Variants in ZNF618 observed in about 807,000 individuals in gnomAD.
ZNF618 encodes neural precursor cell expressed, developmentally down-regulated 10.
In ZNF618, 34 loss-of-function variants were observed where a neutral mutation model predicts 103.0. The ratio of observed to expected loss-of-function variants is 0.33; its 90% CI spans 0.25 to 0.44. ZNF618 has a LOEUF of 0.44. Among genes scored for constraint, ZNF618 ranks in the 20% least tolerant of loss-of-function variants. ZNF618 has a pLI of 1.00. For synonymous variants in ZNF618, 551 were observed against 542.2 expected (o/e 1.02, Z -0.23); for missense variants, 1,059 against 1,295.4 (o/e 0.82, Z 2.80).
chr9:114,042,759 G>T (rs528897786), intron 13 of ZNF618, among the ~76,000 whole-genome samples: 1 of 152,316 alleles, frequency 6.6e-6, no homozygotes, highest in South Asian at 2.1e-4. Context: ...AGCCTGGGAG[G>T]TTGAGGCTGC....
chr9:113,948,326 G>T (rs1835245588), intron 1 of ZNF618, among the ~76,000 whole-genome samples: 1 of 152,212 alleles, frequency 6.6e-6, no homozygotes, highest in Non-Finnish European at 1.5e-5. Context: ...GCACTCGCTA[G>T]TCAGAAGGCG....
At chr9:113,942,785 T>C (rs1834664967) in intron 1 of ZNF618, among the ~76,000 whole-genome samples, 1 of 152,216 alleles carries the variant, frequency 6.6e-6, no homozygotes, top group Non-Finnish European at 1.5e-5. Context: ...AGAACCATTG[T>C]GAAATTCCAT....
At chr9:114,045,499 T>G (rs1254602968) in intron 13 of ZNF618, among the ~76,000 whole-genome samples, 7 of 152,080 alleles carry the variant, frequency 4.6e-5, no homozygotes, top group Non-Finnish European at 2.9e-5. Context: ...TGAATTGTCC[T>G]GATAACCTTG....
chr9:113,901,263 C>G (rs1301241379), intron 1 of ZNF618, among the ~76,000 whole-genome samples: 1 of 152,220 alleles, frequency 6.6e-6, no homozygotes, highest in Non-Finnish European at 1.5e-5. Context: ...TCTCCTTTTC[C>G]TCAAGTTCTC....
chr9:113,918,132 T>G (rs1250334226), intron 1 of ZNF618, among the ~76,000 whole-genome samples: 1 of 152,194 alleles, frequency 6.6e-6, no homozygotes, highest in African/African-American at 2.4e-5. Context: ...GGTTGTTTTA[T>G]AGAATGCTCC....
chr9:114,016,291 C>T (rs1254346180), intron 9 of ZNF618: 3 of 824,060 alleles, frequency 3.6e-6, no homozygotes, highest in Non-Finnish European at 6.0e-6. Context: ...GTGGCCACTG[C>T]AGAGGGCAGG....
At chr9:114,027,507 T>C (rs550217174) in intron 10 of ZNF618, among the ~76,000 whole-genome samples, 1 of 152,338 alleles carries the variant, frequency 6.6e-6, no homozygotes, top group East Asian at 1.9e-4. Flanking sequence ...GTGTGGTAAA[T>C]GAAGGACCAT....
At chr9:113,900,059 T>C (rs1299239200) in intron 1 of ZNF618, among the ~76,000 whole-genome samples, 3 of 152,126 alleles carry the variant, frequency 2.0e-5, no homozygotes. Context: ...ATTTCTATTT[T>C]TATTTTTTTA....
chr9:113,876,349 C>A lies in ZNF618; in HGVS notation c.-32C>A. ...GCAGCCCGGCCCGGGAGGAGCAGGACGCGCCGGGGCCGCCTCCTCCCGCAC... is the reference window on the plus strand; with the variant it reads ...GCAGCCCGGCCCGGGAGGAGCAGGAAGCGCCGGGGCCGCCTCCTCCCGCAC... On this transcript the variant is annotated 5_prime_UTR_variant, in exon 1 of 15. Coordinates refer to ENST00000374126, the MANE Select transcript of ZNF618 (RefSeq NM_001318042.2). The A allele has an allele frequency of 8.5e-7, 1 of 1,181,814 alleles. No individual in the cohort carries two copies. Among genetic ancestry groups the A allele is most frequent in the East Asian group, 3.8e-5 (1 of 26,470 alleles). 73.2% of individuals were successfully genotyped at this position (1,181,814 alleles called of 1,614,324 possible). A position where few individuals can be genotyped will look rare whatever the true frequency, so the allele number is the denominator to read the frequency against.
At chr9:113,912,957 A>T (rs1831692340) in intron 1 of ZNF618, among the ~76,000 whole-genome samples, 1 of 152,154 alleles carries the variant, frequency 6.6e-6, no homozygotes, top group Non-Finnish European at 1.5e-5. Flanking sequence ...CTCCAAGGTC[A>T]GAGGCGGCTG....
At chr9:113,981,521 T>C (rs1281199629) in intron 2 of ZNF618, among the ~76,000 whole-genome samples, 1 of 152,192 alleles carries the variant, frequency 6.6e-6, no homozygotes, top group Non-Finnish European at 1.5e-5. Context: ...TGAGCATTGC[T>C]CACGTCTACT....
chr9:113,927,391 C>T (rs1432650066), intron 1 of ZNF618, among the ~76,000 whole-genome samples: 1 of 152,132 alleles, frequency 6.6e-6, no homozygotes, highest in Admixed American at 6.5e-5. Context: ...TTAGAGATTC[C>T]TTAAATAGTG....
At chr9:113,942,489 C>G (rs1306802844) in intron 1 of ZNF618, among the ~76,000 whole-genome samples, 1 of 152,144 alleles carries the variant, frequency 6.6e-6, no homozygotes, top group Non-Finnish European at 1.5e-5. Flanking sequence ...AGGTAGATGT[C>G]TTTGAGCTTG....
At chr9:113,998,782 G>C (rs891269191) in intron 4 of ZNF618, among the ~76,000 whole-genome samples, 2 of 152,242 alleles carry the variant, frequency 1.3e-5, no homozygotes, top group African/African-American at 4.8e-5. Context: ...GCCACGCCAC[G>C]AGGTCTCCCT....
chr9:113,887,191 C>T (rs903131974), intron 1 of ZNF618, among the ~76,000 whole-genome samples: 1 of 151,916 alleles, frequency 6.6e-6, no homozygotes, highest in Non-Finnish European at 1.5e-5. Flanking sequence ...GACTCAGAAC[C>T]TGGCATGGGA....
intron 10 of ZNF618, among the ~76,000 whole-genome samples, chr9:114,027,317 G>T (rs1419600228): frequency 1.3e-5 from 2 of 152,216 alleles, no homozygotes; most frequent in African/African-American, 4.8e-5. Context: ...GTTTTCCGCA[G>T]ACTGAGGCCT....
chr9:113,908,101 G>A (rs1831155861), intron 1 of ZNF618, among the ~76,000 whole-genome samples: 1 of 151,856 alleles, frequency 6.6e-6, no homozygotes. Context: ...GATGGCTCCT[G>A]AGAACTGGGA....
At chr9:114,017,758 C>A (rs1336241100) in intron 10 of ZNF618, among the ~76,000 whole-genome samples, 1 of 152,176 alleles carries the variant, frequency 6.6e-6, no homozygotes, top group African/African-American at 2.4e-5. Context: ...TCACTGGGGG[C>A]TGAAGCCCCT....
rs759805776 is a variant in ZNF618 at position 114,048,826 on chromosome 9, C to T, written c.1524C>T (p.Ala508=). ...TLVDSGARYG[A]FSVTEILGNF... is the part of the protein sequence containing the mutation. ...TAGACAGTGGTGCCCGCTATGGGGC[C>T]TTCTCGGTCACTGAAATCCTGGGCA... The change falls in exon 15 of 15, where the codon GCC becomes GCT. Residue 508 remains alanine, a synonymous_variant. Coordinates refer to ENST00000374126, the MANE Select transcript of ZNF618 (RefSeq NM_001318042.2). 5.0e-6 allele frequency: 8 copies of T among 1,612,610 alleles called. No homozygotes were observed. The highest frequency in any genetic ancestry group is 2.2e-5 in the East Asian group (1 of 44,846).
Sources: allele counts gnomAD v4.1 joint callset (sites outside exome capture counted in the v4.1 genomes callset), GRCh38; gene constraint gnomAD v4.1.1; transcripts MANE v1.5; gene names NCBI Gene and HGNC (gene_info 2026-07-23, HGNC 2026-07-21).